RRAGD: variants seen among roughly 807,000 people sequenced by gnomAD.
RRAGD encodes the protein Ras related GTP binding D, also known as ras-related GTP-binding protein D.
RRAGD carries 12 observed loss-of-function variants against 35.5 expected under a neutral mutation model. The observed-to-expected ratio is 0.34, with a 90% CI of 0.22 to 0.55. The LOEUF is 0.55. Among genes scored for constraint, RRAGD ranks in the 20% least tolerant of loss-of-function variants. RRAGD has a pLI of 0.91. For synonymous variants in RRAGD, 155 were observed against 178.9 expected, an observed-to-expected ratio of 0.87 and a Z score of 1.07; for missense variants, 324 against 490.1, an observed-to-expected ratio of 0.66 and a Z score of 3.20.
chr6:89,378,794 G>A (rs1391004765), intron 4 of RRAGD, among the ~76,000 whole-genome samples: 1 of 152,252 alleles, frequency 6.6e-6, no homozygotes, highest in African/African-American at 2.4e-5. Context: ...TTCTCGCTCT[G>A]ATGCCCAGGC....
At chr6:89,406,490 G>T (rs930308525) in intron 1 of RRAGD, among the ~76,000 whole-genome samples, 1 of 151,908 alleles carries the variant, frequency 6.6e-6, no homozygotes, top group Admixed American at 6.6e-5. Context: ...GTGGATTGGT[G>T]GAAGAAGATT....
chr6:89,402,037 G>GTTTTTTTTTTTTTTTTT (rs1194197994), intron 1 of RRAGD, among the ~76,000 whole-genome samples: 1 of 52,314 alleles, frequency 1.9e-5, no homozygotes, highest in African/African-American at 1.5e-4. Flanking sequence ...AAATCCTAAG[G>GTTTTTTTTTTTTTTTTT]ATTTTTTTTT....
rs1316425631 is a variant in RRAGD at position 89,412,076 on chromosome 6, T to G, written c.-83A>C. The G allele has an allele frequency of 7.3e-7, 1 of 1,368,474 alleles. No individual in the cohort carries two copies. Among genetic ancestry groups the G allele is most frequent in the Non-Finnish European group, 9.6e-7 (1 of 1,038,800 alleles). 84.8% of individuals were successfully genotyped at this position (1,368,474 alleles called of 1,614,324 possible). On this transcript the variant is annotated 5_prime_UTR_variant, in exon 1 of 7. Coordinates refer to ENST00000369415, the MANE Select transcript of RRAGD (RefSeq NM_021244.5). The surrounding 1 kb of genome is among the most constrained non-coding windows in gnomAD (Gnocchi z 4.2). The stretch of plus-strand genomic sequence containing the variant: ...CTCCTAGCCGGCCGCCCGCAGCCTA[T>G]TTCTGAAGCGGAGGTTTGTCTAGAG...
intron 1 of RRAGD, among the ~76,000 whole-genome samples, chr6:89,399,374 G>A (rs1454448351): frequency 6.6e-6 from 1 of 152,204 alleles, no homozygotes; most frequent in African/African-American, 2.4e-5. Context: ...CCATTAAACA[G>A]CTGAGAAAGG....
At chr6:89,383,943 G>A (rs1444086938) in intron 2 of RRAGD, among the ~76,000 whole-genome samples, 1 of 151,970 alleles carries the variant, frequency 6.6e-6, no homozygotes, top group African/African-American at 2.4e-5. Flanking sequence ...CCAACATTGT[G>A]AAATCCTGTC....
intron 1 of RRAGD, among the ~76,000 whole-genome samples, chr6:89,399,008 G>A (rs1769396196): frequency 6.6e-6 from 1 of 152,202 alleles, no homozygotes; most frequent in Non-Finnish European, 1.5e-5. Flanking sequence ...CCCAATTAAT[G>A]CAAGCAAAAC....
At chr6:89,371,484 G>A (rs918817956) in intron 6 of RRAGD, among the ~76,000 whole-genome samples, 1 of 152,018 alleles carries the variant, frequency 6.6e-6, no homozygotes, top group African/African-American at 2.4e-5. Flanking sequence ...GCGAGATCCT[G>A]TCTCAAAAAA....
chr6:89,380,290 G>T lies in RRAGD; in HGVS notation c.522C>A (p.Phe174Leu). Residue 174 changes from phenylalanine (F) to leucine (L), a missense_variant, in exon 3 of 7, where the codon TTC becomes TTA. Around this residue, in one of 5 missense-constraint regions of RRAGD, gnomAD observed 152 missense variants for 296.9 expected, o/e 0.51. Transcript: ENST00000369415. Reference sequence around the variant, plus strand: ...CATCCACTTTATGAATAAACACCTCGAAGTTGATGTCAGTATTCACTTTGT... The same window carrying T: ...CATCCACTTTATGAATAAACACCTCTAAGTTGATGTCAGTATTCACTTTGT... Reference protein sequence around the residue: ...RAYKVNTDINFEVFIHKVDGL... With the variant: ...RAYKVNTDINLEVFIHKVDGL... 1 of 1,614,194 alleles carries T rather than the reference G, an allele frequency of 6.2e-7. No individual in the cohort carries two copies. The highest frequency in any genetic ancestry group is 8.5e-7 in the Non-Finnish European group (1 of 1,180,018).
chr6:89,379,933 G>A (rs1769013377), intron 3 of RRAGD, among the ~76,000 whole-genome samples: 1 of 152,152 alleles, frequency 6.6e-6, no homozygotes, highest in Non-Finnish European at 1.5e-5. Context: ...TCTCATGTGA[G>A]GGGAGAACCT....
intron 1 of RRAGD, among the ~76,000 whole-genome samples, chr6:89,392,311 CA>C (rs936144499): frequency 6.7e-6 from 1 of 150,144 alleles, no homozygotes; most frequent in Non-Finnish European, 1.5e-5. Context: ...TTTGTCTCTA[CA>C]AAAAAAAATT....
At chr6:89,382,273 A>G (rs1769056702) in intron 2 of RRAGD, among the ~76,000 whole-genome samples, 1 of 151,852 alleles carries the variant, frequency 6.6e-6, no homozygotes, top group African/African-American at 2.4e-5. Context: ...TTCACACTCT[A>G]CAGAGTTGTT....
Position 89,377,787 on chromosome 6 carries a change from T to C in RRAGD, c.786A>G (p.Leu262=). 2 of 1,596,700 alleles carry C rather than the reference T, an allele frequency of 1.3e-6. No homozygotes were observed. Among genetic ancestry groups the C allele is most frequent in the Non-Finnish European group, 1.7e-6 (2 of 1,175,496 alleles). ...ISNSGIEKAF[L]FDVVSKIYIA... ...TATAAATTTTACTGACCACATCAAA[T>C]AGAAATGCCTTTTCAATTCCAGAAT... Residue 262 remains leucine (L), a synonymous_variant, in exon 5 of 7, where the codon CTA becomes CTG. Coordinates refer to ENST00000369415, the MANE Select transcript of RRAGD (RefSeq NM_021244.5).
intron 1 of RRAGD, among the ~76,000 whole-genome samples, chr6:89,408,577 C>A (rs1282378574): frequency 6.6e-6 from 1 of 152,130 alleles, no homozygotes; most frequent in Admixed American, 6.6e-5. Flanking sequence ...GGAAGGAAGA[C>A]CCTGGATCTT....
chr6:89,384,543 G>A (rs1019144114), intron 2 of RRAGD, among the ~76,000 whole-genome samples: 3 of 152,244 alleles, frequency 2.0e-5, no homozygotes, highest in African/African-American at 2.4e-5. Context: ...TAGGCCAGGC[G>A]TGGTGGCTCA....
chr6:89,408,396 A>G (rs1769627047), intron 1 of RRAGD, among the ~76,000 whole-genome samples: 4 of 152,220 alleles, frequency 2.6e-5, no homozygotes, highest in African/African-American at 9.6e-5. Flanking sequence ...ATGCATGCCT[A>G]TAATCCTAGC....
Position 89,412,107 on chromosome 6 carries a change from C to G in RRAGD, c.-114G>C. ...AAGCGGAGGTTTGTCTAGAGCTCAG[C>G]GGGGCCCGGCGGAAGCGGGGGCCGC... is the stretch of plus-strand genomic sequence containing the variant. On this transcript the variant is annotated 5_prime_UTR_variant, in exon 1 of 7. Coordinates refer to ENST00000369415, the MANE Select transcript of RRAGD (RefSeq NM_021244.5). This position sits in a 1 kb window ranked among gnomAD's most constrained non-coding sequence, Gnocchi z 4.2. 1 of 1,017,796 alleles carries G rather than the reference C, an allele frequency of 9.8e-7. No homozygotes were observed. Among genetic ancestry groups the G allele is most frequent in the East Asian group, 3.3e-5 (1 of 30,082 alleles). The allele number at this position is 1,017,796 out of a possible 1,614,324, so 63.0% of individuals were successfully genotyped here.
At position 89,364,914 on chromosome 6, in the gene RRAGD, C is replaced by T. The variant is rs993852184; in HGVS notation, c.*3142G>A. On this transcript the variant is annotated 3_prime_UTR_variant, in exon 7 of 7. Transcript: ENST00000369415. The stretch of plus-strand genomic sequence containing the variant: ...AATTGGCAGTTAACATTCTTGAAAG[C>T]AATGGCTTAACAATGGTTATTAAGT... 1.3e-5 allele frequency: 2 copies of T among 152,184 alleles called. No homozygotes were observed. The highest frequency in any genetic ancestry group is 4.8e-5 in the African/African-American group (2 of 41,440). 9.4% of individuals were successfully genotyped at this position (152,184 alleles called of 1,614,324 possible). A position where few individuals can be genotyped will look rare whatever the true frequency, so the allele number is the denominator to read the frequency against.
chr6:89,372,660 G>A (rs1267213307), intron 5 of RRAGD, 75 bp from the exon 6 acceptor site: 34 of 1,416,978 alleles, frequency 2.4e-5, no homozygotes, highest in South Asian at 1.6e-4. Flanking sequence ...ACAAGAGACC[G>A]GCTTTAAGCC....
At chr6:89,383,120 G>A (rs1362730170) in intron 2 of RRAGD, among the ~76,000 whole-genome samples, 1 of 152,146 alleles carries the variant, frequency 6.6e-6, no homozygotes, top group Non-Finnish European at 1.5e-5. Flanking sequence ...TGAAGGAGGG[G>A]TGGTTACATG....
Sources: gnomAD v4.1 joint callset for allele counts (sites outside exome capture counted in the v4.1 genomes callset) on GRCh38, gnomAD v4.1.1 for gene constraint, gnomAD v4.1.1 regional missense constraint, Gnocchi (gnomAD v3.1) non-coding constraint, MANE v1.5 for transcripts, NCBI Gene and HGNC (gene_info 2026-07-23, HGNC 2026-07-21) for gene names.